LTF: variants seen among roughly 807,000 people sequenced by gnomAD.
LTF encodes the protein lactotransferrin, also known as epididymis luminal protein 110.
In LTF, 91 loss-of-function variants were observed where a neutral mutation model predicts 87.2. That is an observed-to-expected ratio of 1.04 (90% CI 0.88 to 1.24). The LOEUF (loss-of-function observed/expected upper bound fraction) is 1.24, where lower values mean the gene tolerates loss of function less well. Among genes scored for constraint, LTF ranks in the 50% most tolerant of loss-of-function variants. LTF has a pLI of 0.00. For missense variants in LTF, 901 were observed against 904.3 expected, an observed-to-expected ratio of 1.00 and a Z score of 0.05; for synonymous variants, 378 against 356.1, an observed-to-expected ratio of 1.06 and a Z score of -0.69.
chr3:46,480,990 C>A (rs1264865912), intron 1 of LTF, among the ~76,000 whole-genome samples: 1 of 152,144 alleles, frequency 6.6e-6, no homozygotes, highest in Admixed American at 6.5e-5. Context: ...CCAGCCTCCA[C>A]CCTCCTCCAC....
chr3:46,447,176 C>A (rs1356564693), intron 10 of LTF, 132 bp downstream of exon 10: 2 of 680,110 alleles, frequency 2.9e-6, no homozygotes, highest in Admixed American at 2.4e-5. Flanking sequence ...TTCATTTCTT[C>A]TTTCCCTGAT....
In LTF at chr3:46,472,488, TTGTGTGTG is replaced by T. The variant is rs34825595; in HGVS notation, c.-319-2030_-319-2023del. Among the ~76,000 whole-genome samples the T allele has an allele frequency of 8.5e-3, 906 of 106,912 alleles. 11 individuals carry two copies. Among genetic ancestry groups the T allele is most frequent in the African/African-American group, 0.026 (677 of 25,588 alleles). The allele number at this position is 106,912 out of a possible 152,430, so 70.1% of individuals were successfully genotyped here. ...AGAAAATCAATTTTGGAAAAGATTA[TTGTGTGTG>T]TGTGTGTGTGTGTGTGTGTGTGTGT... On this transcript the variant is annotated intron_variant, in intron 1 of 19. Transcript: ENST00000443496.
chr3:46,446,420 A>T lies in LTF; in HGVS notation c.1357+20T>A. On this transcript the variant is annotated intron_variant, in intron 11 of 16. Transcript: ENST00000231751. ...ACAAGAACTTATCCTTGACCCTGAA[A>T]GTGGCTAATGCCAACTCACCTTCCA... The T allele has an allele frequency of 1.9e-6, 3 of 1,605,700 alleles. No homozygotes were observed. The highest frequency in any genetic ancestry group is 2.6e-6 in the Non-Finnish European group (3 of 1,173,704).
At chr3:46,447,160 G>T (rs1702675756) in intron 10 of LTF, 148 bp downstream of exon 10, 2 of 644,012 alleles carry the variant, frequency 3.1e-6, no homozygotes, top group Non-Finnish European at 5.5e-6. Context: ...GGGTAACACG[G>T]CCCCTTTCAT....
chr3:46,439,574 A>G (rs1702466709), intron 14 of LTF, 94 bp from the exon 15 acceptor site: 11 of 1,033,480 alleles, frequency 1.1e-5, no homozygotes, highest in Non-Finnish European at 1.5e-5. Context: ...TGACCTCCCA[A>G]ATGCACACAC....
intron 14 of LTF, 129 bp downstream of exon 14, chr3:46,441,287 T>G: frequency 1.5e-6 from 1 of 677,770 alleles, no homozygotes; most frequent in Non-Finnish European, 2.5e-6. Context: ...GATAAAGAAT[T>G]TTGGAGTTCT....
At chr3:46,455,657 C>T in intron 4 of LTF, 139 bp downstream of exon 4, 1 of 1,133,564 alleles carries the variant, frequency 8.8e-7, no homozygotes, top group Non-Finnish European at 1.3e-6. Context: ...ATCCTGCCAG[C>T]AGGATGTTAC....
At chr3:46,455,559 G>T in intron 4 of LTF, 117 bp from the exon 5 acceptor site, 1 of 1,327,784 alleles carries the variant, frequency 7.5e-7, no homozygotes, top group Non-Finnish European at 1.0e-6. Flanking sequence ...CTGCAGGAGA[G>T]ACTCTGTCAT....
upstream of LTF, chr3:46,465,302 A>T (rs144045414): frequency 7.5e-5 from 14 of 186,140 alleles, no homozygotes; most frequent in East Asian, 2.4e-3. Flanking sequence ...GAAGGTGCCT[A>T]GGAGCCAGTT....
rs200379115 is a variant in LTF, at chr3:46,450,003, G to A, written c.908C>T (p.Pro303Leu). 8.1e-6 allele frequency: 13 copies of A among 1,608,406 alleles called. No homozygotes were observed. Among genetic ancestry groups the A allele is most frequent in the East Asian group, 6.7e-5 (3 of 44,722 alleles). Residue 303 changes from proline (P) to leucine (L), a missense_variant, in exon 8 of 17, where the codon CCG becomes CTG. Transcript: ENST00000231751. ...AGGGGAGCCAAAGAGCTGGAATTTC[G>A]GTGACTTGTCCTTTCCAAACTTTTC... The part of the protein sequence containing the change: ...AQEKFGKDKS[P>L]KFQLFGSPSG...
intron 6 of LTF, among the ~76,000 whole-genome samples, chr3:46,453,481 TG>T (rs1702850218): frequency 6.6e-6 from 1 of 151,644 alleles, no homozygotes; most frequent in Non-Finnish European, 1.5e-5. Flanking sequence ...GGTCTGTCTC[TG>T]ATGGTCCTAG....
In LTF at chr3:46,482,555, G is replaced by A. The variant is rs1407086775; in HGVS notation, c.-320+2431C>T. On this transcript the variant is annotated intron_variant, in intron 1 of 19. Coordinates refer to the LTF transcript ENST00000443496. Reference sequence around the variant, plus strand: ...GAAGGGAAGGGAAGGGAAGGGAAGGGAAGGGAAGGGAAGGGAAAGGAAAGG... The same window carrying A: ...GAAGGGAAGGGAAGGGAAGGGAAGGAAAGGGAAGGGAAGGGAAAGGAAAGG... Among the ~76,000 whole-genome samples, 40 of 106,384 alleles carry A rather than the reference G, an allele frequency of 3.8e-4. 4 individuals carry two copies. Among genetic ancestry groups the A allele is most frequent in the African/African-American group, 9.3e-4 (19 of 20,528 alleles). The allele number at this position is 106,384 out of a possible 152,430, so 69.8% of individuals were successfully genotyped here. A position where few individuals can be genotyped will look rare whatever the true frequency, so the allele number is the denominator to read the frequency against.
intron 1 of LTF, among the ~76,000 whole-genome samples, chr3:46,464,576 G>A (rs138462311): frequency 2.0e-5 from 3 of 152,320 alleles, no homozygotes; most frequent in Admixed American, 6.5e-5. Context: ...GGGCCTGGGA[G>A]GCCTTTTGAG....
At chr3:46,467,848 A>G (rs140976133), upstream of LTF, among the ~76,000 whole-genome samples, 770 of 151,992 alleles carry the variant, frequency 5.1e-3, 6 homozygotes, top group African/African-American at 0.017. Flanking sequence ...AGAAGGATTA[A>G]CAAAATCCTC....
chr3:46,482,609 G>A (rs911753293), intron 1 of LTF, among the ~76,000 whole-genome samples: 7 of 56,988 alleles, frequency 1.2e-4, no homozygotes, highest in African/African-American at 4.6e-4. Context: ...AAGAAAGAAA[G>A]AAGAAAGAAA....
At chr3:46,462,697 G>A (rs761681850) in intron 1 of LTF, among the ~76,000 whole-genome samples, 1 of 152,198 alleles carries the variant, frequency 6.6e-6, no homozygotes, top group Non-Finnish European at 1.5e-5. Context: ...CAGGGGCAGA[G>A]TGAACTGAGA....
chr3:46,464,916 C>T (rs369504222), upstream of LTF: 3 of 1,597,166 alleles, frequency 1.9e-6, no homozygotes, highest in Non-Finnish European at 1.7e-6. Context: ...GCCACTTGCG[C>T]CTGCCCTGCG....
At position 46,435,819 on chromosome 3, in the gene LTF, A is replaced by G; in HGVS notation, c.*376T>C. The stretch of plus-strand genomic sequence containing the variant: ...GACAGCTATGTGAATAACCAACAAG[A>G]TCCCCTTAGGAAAACCGGTGCTTGG... On this transcript the variant is annotated 3_prime_UTR_variant, in exon 17 of 17. Transcript: ENST00000231751. The G allele has an allele frequency of 3.6e-6, 1 of 281,600 alleles. No homozygotes were observed. The highest frequency in any genetic ancestry group is 6.8e-6 in the Non-Finnish European group (1 of 146,596). 17.4% of individuals were successfully genotyped at this position (281,600 alleles called of 1,614,324 possible). A position where few individuals can be genotyped will look rare whatever the true frequency, so the allele number is the denominator to read the frequency against.
At chr3:46,444,408 C>T (rs1310822067) in intron 12 of LTF, among the ~76,000 whole-genome samples, 6 of 152,170 alleles carry the variant, frequency 3.9e-5, no homozygotes, top group East Asian at 1.9e-4. Flanking sequence ...GATCTGAATT[C>T]GTTCATTGTG....
Sources: gnomAD v4.1 joint callset for allele counts (sites outside exome capture counted in the v4.1 genomes callset) on GRCh38, gnomAD v4.1.1 for gene constraint, MANE v1.5 for transcripts, NCBI Gene and HGNC (gene_info 2026-07-23, HGNC 2026-07-21) for gene names.